The following RSRC2 variants were observed in gnomAD, a reference collection of about 807,000 sequenced individuals.
RSRC2 encodes the protein arginine and serine rich coiled-coil 2.
Under a neutral mutation model 61.3 loss-of-function variants are expected in RSRC2, and 5 were observed. The observed-to-expected ratio is 0.08, with a 90% CI of 0.04 to 0.17. The LOEUF is 0.17. Among genes scored for constraint, RSRC2 ranks in the 10% least tolerant of loss-of-function variants. The pLI, the probability that RSRC2 is intolerant of heterozygous loss-of-function variation, is 1.00. For missense variants in RSRC2, 381 were observed against 518.8 expected (o/e 0.73, Z 2.58); for synonymous variants, 202 against 166.5 (o/e 1.21, Z -1.64).
intron 6 of RSRC2, chr12:122,513,747 GA>G: frequency 2.0e-6 from 2 of 983,054 alleles, no homozygotes; most frequent in Non-Finnish European, 2.4e-6. Flanking sequence ...AAGGTGAATG[GA>G]AAGAAGGGGT....
At position 122,505,782 on chromosome 12, in the gene RSRC2, G is replaced by GT. The variant is rs1403982354; in HGVS notation, c.1126-77dup. On this transcript the variant is annotated intron_variant, in intron 9 of 9. Coordinates refer to ENST00000331738, the MANE Select transcript of RSRC2 (RefSeq NM_023012.6). ...TCTCTCACTTGACACTATTTTTTAT[G>GT]TATTTTTTTTTTTTGAGATGGAGTC... 4.1e-5 allele frequency: 54 copies of GT among 1,313,328 alleles called. No homozygotes were observed. In the African/African-American group the frequency reaches 5.0e-4, roughly 12 times the overall value. The allele number at this position is 1,313,328 out of a possible 1,614,324, so 81.4% of individuals were successfully genotyped here. A position where few individuals can be genotyped will look rare whatever the true frequency, so the allele number is the denominator to read the frequency against.
intron 8 of RSRC2, among the ~76,000 whole-genome samples, chr12:122,507,567 C>T (rs1291579977): frequency 1.3e-5 from 2 of 150,642 alleles, no homozygotes; most frequent in Non-Finnish European, 2.9e-5. Flanking sequence ...CTTTTCCTTA[C>T]TACTTCTATG....
At chr12:122,505,745 G>C in intron 9 of RSRC2, 39 bp from the exon 10 acceptor site, 1 of 1,532,436 alleles carries the variant, frequency 6.5e-7, no homozygotes, top group Non-Finnish European at 8.9e-7. Flanking sequence ...GAATTCAGAT[G>C]GAGATAAATA....
chr12:122,507,936 G>A, intron 8 of RSRC2: 1 of 443,616 alleles, frequency 2.3e-6, no homozygotes, highest in Non-Finnish European at 4.2e-6. Context: ...AAGCACCTGG[G>A]ATTACAGGTG....
In RSRC2 at chr12:122,511,209, A is replaced by T. The variant is rs547763120; in HGVS notation, c.726-21T>A. ...CCAACCTGCAAAATTAATTTCAATG[A>T]ATTTAAAATAACACAATATAAAACC... On this transcript the variant is annotated intron_variant, in intron 6 of 9. Coordinates refer to ENST00000331738, the MANE Select transcript of RSRC2 (RefSeq NM_023012.6). 63 of 1,542,080 alleles carry T rather than the reference A, an allele frequency of 4.1e-5. 1 individual carries two copies. Among genetic ancestry groups the T allele is most frequent in the East Asian group, 2.0e-4 (9 of 44,484 alleles).
At chr12:122,514,555 T>A (rs1958767460) in intron 6 of RSRC2, 1 of 975,136 alleles carries the variant, frequency 1.0e-6, no homozygotes, top group Non-Finnish European at 1.2e-6. Flanking sequence ...TGTGACCGAT[T>A]GCACCCGGCC....
chr12:122,526,575 G>A (rs1960492477), intron 1 of RSRC2, among the ~76,000 whole-genome samples: 1 of 152,124 alleles, frequency 6.6e-6, no homozygotes, highest in African/African-American at 2.4e-5. Flanking sequence ...GAAAATGGAG[G>A]AAGTTCAGTG....
intron 9 of RSRC2, chr12:122,506,619 T>C (rs1958132135): frequency 2.2e-6 from 1 of 464,360 alleles, no homozygotes; most frequent in Non-Finnish European, 3.8e-6. Context: ...ACCCCGTCTC[T>C]CTCTCTCTCT....
rs1957995517 is a variant in RSRC2, at chr12:122,503,906, GACC to G, written c.*1618_*1620del. ...AAGACCAACCTGGGCAACGTAACAA[GACC>G]TTGTCTTTATAAAAAATTAAAAACA... On this transcript the variant is annotated 3_prime_UTR_variant, in exon 10 of 10. Transcript: ENST00000331738. 6.6e-6 allele frequency: 1 copy of G among 151,944 alleles called. No homozygotes were observed. Among genetic ancestry groups the G allele is most frequent in the South Asian group, 2.1e-4 (1 of 4,818 alleles). The allele number at this position is 151,944 out of a possible 1,614,324, so 9.4% of individuals were successfully genotyped here. A position where few individuals can be genotyped will look rare whatever the true frequency, so the allele number is the denominator to read the frequency against.
At position 122,515,082 on chromosome 12, in the gene RSRC2, A is replaced by C. The variant is rs776258121; in HGVS notation, c.725+23T>G. 28 of 1,603,466 alleles carry C rather than the reference A, an allele frequency of 1.7e-5. No individual in the cohort carries two copies. In the South Asian group the frequency reaches 2.7e-4, roughly 16 times the overall value. On this transcript the variant is annotated intron_variant, in intron 6 of 9. Coordinates refer to ENST00000331738, the MANE Select transcript of RSRC2 (RefSeq NM_023012.6). ...ATTTATTTAAAGGCGAACTGGAACAAATGAATTAAGAAATATACACACCTT... is the reference window on the plus strand; with the variant it reads ...ATTTATTTAAAGGCGAACTGGAACACATGAATTAAGAAATATACACACCTT...
chr12:122,524,222 T>G (rs912994390), intron 1 of RSRC2, among the ~76,000 whole-genome samples: 4 of 152,214 alleles, frequency 2.6e-5, no homozygotes, highest in Admixed American at 6.5e-5. Context: ...TAAGGATGAT[T>G]CTGATTTTTC....
intron 1 of RSRC2, among the ~76,000 whole-genome samples, chr12:122,524,405 A>G (rs568099970): frequency 2.0e-5 from 3 of 152,370 alleles, no homozygotes; most frequent in South Asian, 4.1e-4. Context: ...TGCCAGAGAC[A>G]GAATTCCTTA....
rs1278519147 is a variant in RSRC2 at position 122,505,504 on chromosome 12, A to C, written c.*23T>G. ...TCAGAACAAGAAGTCTATAAGTCCCAAACTTTACAAGTGTGATCATTTTCA... is the reference window on the plus strand; with the variant it reads ...TCAGAACAAGAAGTCTATAAGTCCCCAACTTTACAAGTGTGATCATTTTCA... On this transcript the variant is annotated 3_prime_UTR_variant, in exon 10 of 10. Transcript: ENST00000331738. 50 of 1,607,548 alleles carry C rather than the reference A, an allele frequency of 3.1e-5. No homozygotes were observed. The highest frequency in any genetic ancestry group is 3.9e-5 in the Non-Finnish European group (46 of 1,175,666).
chr12:122,522,065 G>C (rs879052503), intron 2 of RSRC2, 78 bp downstream of exon 2: 9 of 1,406,604 alleles, frequency 6.4e-6, no homozygotes, highest in Middle Eastern at 2.6e-4. Context: ...CAAACTAAAT[G>C]TATGTGTCTT....
intron 4 of RSRC2, 78 bp from the exon 5 acceptor site, chr12:122,517,508 T>C: frequency 6.5e-7 from 1 of 1,545,956 alleles, no homozygotes; most frequent in Non-Finnish European, 8.9e-7. Flanking sequence ...ATTAGTTACT[T>C]GTAGTAACGC....
intron 5 of RSRC2, among the ~76,000 whole-genome samples, chr12:122,516,939 C>T (rs778048043): frequency 2.6e-5 from 4 of 152,122 alleles, no homozygotes; most frequent in Non-Finnish European, 4.4e-5. Flanking sequence ...AAAATCTGCT[C>T]GCCTCGTTGT....
At chr12:122,526,184 G>A (rs1268229413) in intron 1 of RSRC2, 3 of 152,184 alleles carry the variant, frequency 2.0e-5, no homozygotes, top group South Asian at 2.0e-4. Flanking sequence ...ACGCTTCTCG[G>A]ACTTCAAATT....
At chr12:122,508,650 A>G (rs1214808729) in intron 7 of RSRC2, among the ~76,000 whole-genome samples, 1 of 152,134 alleles carries the variant, frequency 6.6e-6, no homozygotes, top group Admixed American at 6.6e-5. Context: ...TTTCTACATA[A>G]ACCCTTGATA....
chr12:122,521,067 G>A (rs1959194203), intron 3 of RSRC2: 2 of 280,076 alleles, frequency 7.1e-6, no homozygotes, highest in East Asian at 7.5e-5. Context: ...GCAACTGTCA[G>A]GCACCAGGAG....
Sources: gnomAD v4.1 joint callset for allele counts (sites outside exome capture counted in the v4.1 genomes callset) on GRCh38, gnomAD v4.1.1 for gene constraint, MANE v1.5 for transcripts, NCBI Gene and HGNC (gene_info 2026-07-23, HGNC 2026-07-21) for gene names.